ITPK1: variants seen among roughly 807,000 people sequenced by gnomAD.
ITPK1 encodes inositol 1,3,4-trisphosphate 5/6-kinase.
ITPK1 carries 21 observed loss-of-function variants against 45.3 expected under a neutral mutation model. That is an observed-to-expected ratio of 0.46 (90% CI 0.33 to 0.67). ITPK1 has a LOEUF of 0.67. ITPK1 is among the 30% of genes least tolerant of loss of function. The pLI, the probability that ITPK1 is intolerant of heterozygous loss-of-function variation, is 0.02. For synonymous variants in ITPK1, 258 were observed against 253.6 expected (o/e 1.02, Z -0.16); for missense variants, 474 against 573.5 (o/e 0.83, Z 1.77).
In ITPK1 at chr14:93,036,642, G is replaced by A. The variant is rs546950315; in HGVS notation, c.121-19841C>T. ...ACCAGGCTCAGCACCCCAGGGGCCG[G>A]GTGAGGGCTCTCCCCCAGGAACACT... is the stretch of plus-strand genomic sequence containing the variant. On this transcript the variant is annotated intron_variant, in intron 3 of 10. Coordinates refer to ENST00000267615, the MANE Select transcript of ITPK1 (RefSeq NM_014216.6). This position sits in a 1 kb window ranked among gnomAD's most constrained non-coding sequence, Gnocchi z 4.1. Among the ~76,000 whole-genome samples, 5 of 151,930 alleles carry A rather than the reference G, an allele frequency of 3.3e-5. No homozygotes were observed. The highest frequency in any genetic ancestry group is 1.2e-4 in the African/African-American group (5 of 41,320).
intron 5 of ITPK1, among the ~76,000 whole-genome samples, chr14:92,965,903 C>G (rs1481836136): frequency 6.6e-6 from 1 of 152,022 alleles, no homozygotes; most frequent in Admixed American, 6.6e-5. Flanking sequence ...CTCAGGAGGC[C>G]GAGGCAGGAG....
intron 3 of ITPK1, among the ~76,000 whole-genome samples, chr14:93,039,615 G>T (rs10136012): frequency 0.15 from 22,883 of 152,174 alleles, 1,811 homozygotes; most frequent in Middle Eastern, 0.17. Context: ...AGATCTGACT[G>T]GTCACTTAAA....
At chr14:92,959,103 G>T (rs772393993) in intron 7 of ITPK1, among the ~76,000 whole-genome samples, 5 of 152,348 alleles carry the variant, frequency 3.3e-5, no homozygotes, top group East Asian at 1.9e-4. Context: ...GGGGAAAAAG[G>T]TCCCTGACAG....
intron 2 of ITPK1, among the ~76,000 whole-genome samples, chr14:93,096,690 C>A (rs1312655117): frequency 2.6e-5 from 4 of 152,212 alleles, no homozygotes; most frequent in Admixed American, 2.0e-4. Flanking sequence ...CTGGTTTCCC[C>A]ACTGAAAATC....
chr14:93,076,691 A>G lies in ITPK1; in HGVS notation c.96-72T>C. ...CACGTCCTTTCCGAAGGTTCCCGAC[A>G]GCCGGCTGAGGGCAGGACCATGAGA... is the stretch of plus-strand genomic sequence containing the variant. On this transcript the variant is annotated intron_variant, in intron 2 of 10. Transcript: ENST00000267615. The surrounding 1 kb of genome is among the most constrained non-coding windows in gnomAD (Gnocchi z 4.3). 1 of 1,590,990 alleles carries G rather than the reference A, an allele frequency of 6.3e-7. No individual in the cohort carries two copies. The highest frequency in any genetic ancestry group is 1.3e-5 in the African/African-American group (1 of 74,550).
At chr14:93,003,935 T>C (rs1887482083) in intron 4 of ITPK1, among the ~76,000 whole-genome samples, 2 of 152,240 alleles carry the variant, frequency 1.3e-5, no homozygotes. Context: ...ATGTGTGGGC[T>C]AGAATAATTC....
At chr14:92,994,692 C>T (rs879747629) in intron 4 of ITPK1, among the ~76,000 whole-genome samples, 3 of 152,150 alleles carry the variant, frequency 2.0e-5, no homozygotes, top group Non-Finnish European at 4.4e-5. Flanking sequence ...AGCGAAGGAG[C>T]CCACCCTTGC....
chr14:92,948,747 C>T (rs577924364), intron 9 of ITPK1, among the ~76,000 whole-genome samples: 4 of 152,224 alleles, frequency 2.6e-5, no homozygotes, highest in African/African-American at 9.6e-5. Context: ...GAAGTAACCA[C>T]TGGGAACTTC....
At position 93,032,249 on chromosome 14, in the gene ITPK1, C is replaced by T. The variant is rs1026558172; in HGVS notation, c.121-15448G>A. ...CCTGCAATCCCAGCTACTCGGAAGG[C>T]TGAGGCAGGAGAATCACTTGAACCC... is the stretch of plus-strand genomic sequence containing the variant. On this transcript the variant is annotated intron_variant, in intron 3 of 10. Transcript: ENST00000267615. The surrounding 1 kb of genome is among the most constrained non-coding windows in gnomAD (Gnocchi z 4.0). Among the ~76,000 whole-genome samples, 18 of 152,240 alleles carry T rather than the reference C, an allele frequency of 1.2e-4. No homozygotes were observed. The highest frequency in any genetic ancestry group is 4.1e-4 in the South Asian group (2 of 4,824).
intron 8 of ITPK1, among the ~76,000 whole-genome samples, chr14:92,955,305 T>A (rs1358096174): frequency 3.3e-5 from 5 of 152,234 alleles, no homozygotes; most frequent in Non-Finnish European, 7.3e-5. Flanking sequence ...AAAAAAAGTT[T>A]GCTGCCTCCC....
chr14:92,980,646 C>A (rs547925705), intron 5 of ITPK1, among the ~76,000 whole-genome samples: 20 of 152,234 alleles, frequency 1.3e-4, no homozygotes, highest in African/African-American at 4.8e-4. Flanking sequence ...TATTGGGGGC[C>A]TACAAAGGGT....
intron 3 of ITPK1, among the ~76,000 whole-genome samples, chr14:93,050,304 C>A (rs529522609): frequency 6.6e-6 from 1 of 152,156 alleles, no homozygotes; most frequent in Non-Finnish European, 1.5e-5. Context: ...CTCCAATTCC[C>A]GTGTGTGGGG....
Position 92,939,630 on chromosome 14 carries a change from C to T in ITPK1, c.*1931G>A, listed in dbSNP as rs775274624. The stretch of plus-strand genomic sequence containing the variant: ...CCACGGAGGCCTATGGACGCCACCA[C>T]GACACCACATGGCAGTTACTCGGTA... On this transcript the variant is annotated 3_prime_UTR_variant, in exon 11 of 11. Transcript: ENST00000267615. 5.3e-5 allele frequency: 52 copies of T among 973,400 alleles called. No individual in the cohort carries two copies. Among genetic ancestry groups the T allele is most frequent in the African/African-American group, 8.8e-5 (5 of 56,924 alleles). The allele number at this position is 973,400 out of a possible 1,614,324, so 60.3% of individuals were successfully genotyped here. A position where few individuals can be genotyped will look rare whatever the true frequency, so the allele number is the denominator to read the frequency against.
intron 5 of ITPK1, among the ~76,000 whole-genome samples, chr14:92,973,409 C>A (rs868523188): frequency 2.6e-5 from 4 of 152,236 alleles, no homozygotes; most frequent in Middle Eastern, 3.2e-3. Context: ...TCCCGCCTGG[C>A]CACCCTGTGG....
At chr14:93,061,464 C>T (rs1032721051) in intron 3 of ITPK1, among the ~76,000 whole-genome samples, 12 of 152,074 alleles carry the variant, frequency 7.9e-5, no homozygotes, top group African/African-American at 2.9e-4. Flanking sequence ...GGCTACAGCC[C>T]CCAGCCTCAT....
intron 10 of ITPK1, among the ~76,000 whole-genome samples, chr14:92,945,886 G>A (rs926766867): frequency 2.6e-5 from 4 of 152,198 alleles, no homozygotes; most frequent in African/African-American, 7.2e-5. Flanking sequence ...TGGAGGCAAC[G>A]TGAGCCTGGG....
intron 2 of ITPK1, among the ~76,000 whole-genome samples, chr14:93,096,992 G>T (rs747174840): frequency 6.6e-6 from 1 of 152,190 alleles, no homozygotes; most frequent in South Asian, 2.1e-4. Flanking sequence ...TGGGTCGGTA[G>T]AGCTGGGCAC....
intron 2 of ITPK1, among the ~76,000 whole-genome samples, chr14:93,111,264 G>A (rs1355490229): frequency 6.6e-6 from 1 of 152,200 alleles, no homozygotes; most frequent in Admixed American, 6.5e-5. Context: ...AGAGGAGGAG[G>A]CACAGAAAAC....
rs992074244 is a variant in ITPK1 at position 92,937,209 on chromosome 14, A to G, written c.*4352T>C. The G allele has an allele frequency of 6.6e-6, 1 of 152,270 alleles. No homozygotes were observed. Among genetic ancestry groups the G allele is most frequent in the Admixed American group, 6.5e-5 (1 of 15,292 alleles). 9.4% of individuals were successfully genotyped at this position (152,270 alleles called of 1,614,324 possible). On this transcript the variant is annotated 3_prime_UTR_variant, in exon 11 of 11. Coordinates refer to ENST00000267615, the MANE Select transcript of ITPK1 (RefSeq NM_014216.6). ...ATACATGGTCATGTATATTATGCATATGTATGTACACAAATTAAGTACGAA... is the reference window on the plus strand; with the variant it reads ...ATACATGGTCATGTATATTATGCATGTGTATGTACACAAATTAAGTACGAA...
Sources: gnomAD v4.1 joint callset for allele counts (sites outside exome capture counted in the v4.1 genomes callset) on GRCh38, gnomAD v4.1.1 for gene constraint, Gnocchi (gnomAD v3.1) non-coding constraint, MANE v1.5 for transcripts, NCBI Gene and HGNC (gene_info 2026-07-23, HGNC 2026-07-21) for gene names.